The following MYO5B variants were observed in gnomAD, a reference collection of about 807,000 sequenced individuals.
MYO5B encodes the protein unconventional myosin-Vb.
A neutral mutation model predicts 229.3 loss-of-function variants in MYO5B; 143 were observed. That is an observed-to-expected ratio of 0.62 (90% CI 0.54 to 0.72). MYO5B has a LOEUF of 0.72. Ranked by LOEUF, MYO5B falls within the 30% of genes least tolerant of loss-of-function variation. The pLI, the probability that MYO5B is intolerant of heterozygous loss-of-function variation, is 0.00. For synonymous variants in MYO5B, 918 were observed against 885.2 expected, an observed-to-expected ratio of 1.04 and a Z score of -0.66; for missense variants, 2,321 against 2,331.0, an observed-to-expected ratio of 1.00 and a Z score of 0.09.
chr18:49,936,799 T>C lies in MYO5B; in HGVS notation c.1905+446A>G, dbSNP rs148724310. On this transcript the variant is annotated intron_variant, in intron 15 of 39. Transcript: ENST00000285039. Reference sequence around the variant, plus strand: ...ACTCATAGGAACAAATGTTAGGTGGTGGCTGCCAGGGACTTGACAAGCATT... The same window carrying C: ...ACTCATAGGAACAAATGTTAGGTGGCGGCTGCCAGGGACTTGACAAGCATT... Among the ~76,000 whole-genome samples the C allele has an allele frequency of 2.0e-5, 3 of 152,308 alleles. No individual in the cohort carries two copies. In the East Asian group the frequency reaches 5.8e-4, roughly 29 times the overall value.
chr18:49,954,918 C>G (rs2025476335), intron 12 of MYO5B, among the ~76,000 whole-genome samples: 2 of 152,232 alleles, frequency 1.3e-5, no homozygotes, highest in Non-Finnish European at 2.9e-5. Flanking sequence ...AGGTTTGGCT[C>G]AAGTCTGTCC....
intron 4 of MYO5B, among the ~76,000 whole-genome samples, chr18:50,027,438 A>C (rs1598963690): frequency 6.6e-6 from 1 of 152,202 alleles, no homozygotes; most frequent in Admixed American, 6.5e-5. Flanking sequence ...ACAAGTGCAC[A>C]CACACATGCC....
chr18:49,872,280 T>G (rs2024464377), intron 26 of MYO5B, 48 bp from the exon 27 acceptor site: 1 of 1,588,432 alleles, frequency 6.3e-7, no homozygotes, highest in Admixed American at 1.7e-5. Flanking sequence ...GAGCAAGATA[T>G]TCCACAGAGG....
chr18:50,124,531 GA>G (rs2032125177), intron 1 of MYO5B, among the ~76,000 whole-genome samples: 2 of 151,438 alleles, frequency 1.3e-5, no homozygotes, highest in African/African-American at 2.4e-5. Flanking sequence ...ATGTTAAAAA[GA>G]AAAAAAAGAA....
chr18:49,981,905 G>A (rs1364180370), intron 8 of MYO5B, among the ~76,000 whole-genome samples: 1 of 152,196 alleles, frequency 6.6e-6, no homozygotes, highest in Non-Finnish European at 1.5e-5. Context: ...GGACAAGACA[G>A]GAAGCTAGGC....
At chr18:50,141,502 A>G (rs938218105) in intron 1 of MYO5B, among the ~76,000 whole-genome samples, 1 of 152,122 alleles carries the variant, frequency 6.6e-6, no homozygotes, top group Non-Finnish European at 1.5e-5. Flanking sequence ...CCCTACCACC[A>G]GCTCCCCTTG....
intron 4 of MYO5B, among the ~76,000 whole-genome samples, chr18:50,017,218 A>G (rs1175994344): frequency 6.6e-6 from 1 of 152,164 alleles, no homozygotes; most frequent in Non-Finnish European, 1.5e-5. Context: ...CCTGGGCTCA[A>G]GTGATTCTCC....
At chr18:50,182,466 AATG>A (rs1280466347) in intron 1 of MYO5B, among the ~76,000 whole-genome samples, 1 of 152,182 alleles carries the variant, frequency 6.6e-6, no homozygotes, top group Non-Finnish European at 1.5e-5. Flanking sequence ...GCTCTTAACA[AATG>A]ATAACCTTGA....
chr18:50,061,771 A>C, intron 1 of MYO5B, among the ~76,000 whole-genome samples: 1 of 152,222 alleles, frequency 6.6e-6, no homozygotes, highest in East Asian at 1.9e-4. Flanking sequence ...CTCAGAGTGA[A>C]CCTCAGGAGC....
At chr18:50,085,603 G>C (rs1317064150) in intron 1 of MYO5B, among the ~76,000 whole-genome samples, 4 of 152,130 alleles carry the variant, frequency 2.6e-5, no homozygotes, top group Non-Finnish European at 5.9e-5. Flanking sequence ...CTGCTATAAA[G>C]ACACATGCAC....
chr18:49,850,099 G>T (rs781616437), intron 31 of MYO5B: 4 of 294,640 alleles, frequency 1.4e-5, no homozygotes, highest in Non-Finnish European at 2.6e-5. Context: ...AGATTATCCA[G>T]GGCCCAGCGG....
intron 4 of MYO5B, among the ~76,000 whole-genome samples, chr18:50,033,872 T>C (rs1291640324): frequency 6.8e-6 from 1 of 146,662 alleles, no homozygotes; most frequent in Non-Finnish European, 1.5e-5. Context: ...CTATCTCCTC[T>C]AACTTTCCTC....
At chr18:49,973,888 T>C (rs1312750773) in intron 10 of MYO5B, among the ~76,000 whole-genome samples, 1 of 152,188 alleles carries the variant, frequency 6.6e-6, no homozygotes, top group Non-Finnish European at 1.5e-5. Flanking sequence ...TGCACAGCCC[T>C]GGACAAAATT....
chr18:49,902,513 C>T (rs1428335080), intron 21 of MYO5B, 81 bp downstream of exon 21: 1 of 1,585,808 alleles, frequency 6.3e-7, no homozygotes, highest in African/African-American at 1.3e-5. Context: ...ATGTGCAGTT[C>T]CTCAAGGAAG....
intron 39 of MYO5B, 35 bp from the exon 40 acceptor site, chr18:49,826,658 T>C (rs762413597): frequency 4.3e-6 from 7 of 1,611,216 alleles, no homozygotes; most frequent in African/African-American, 1.3e-5. Flanking sequence ...AAAGTTTGAG[T>C]ACCCCTAAAA....
chr18:49,974,779 T>TCACACACACACAGACACACA (rs1555648455), intron 9 of MYO5B, among the ~76,000 whole-genome samples, 164 bp from the exon 10 acceptor site: 3 of 117,044 alleles, frequency 2.6e-5, no homozygotes, highest in African/African-American at 7.6e-5. Flanking sequence ...GCAGTCTCTC[T>TCACACACACACAGACACACA]CACACACACA....
At chr18:49,992,107 C>T (rs962273264) in intron 6 of MYO5B, among the ~76,000 whole-genome samples, 181 bp downstream of exon 6, 1 of 152,182 alleles carries the variant, frequency 6.6e-6, no homozygotes, top group Non-Finnish European at 1.5e-5. Flanking sequence ...TTTTTGAGAT[C>T]TAATCCCTAT....
At chr18:49,934,741 C>A (rs1306603097) in intron 16 of MYO5B, among the ~76,000 whole-genome samples, 1 of 152,232 alleles carries the variant, frequency 6.6e-6, no homozygotes, top group Non-Finnish European at 1.5e-5. Flanking sequence ...GAAGAGCAAG[C>A]AAGCAGCACA....
chr18:49,907,655 G>A (rs2024914337), intron 18 of MYO5B, among the ~76,000 whole-genome samples: 2 of 152,260 alleles, frequency 1.3e-5, no homozygotes, highest in African/African-American at 4.8e-5. Flanking sequence ...AAATGGCCCT[G>A]AAAAATGCTG....
Sources: gnomAD v4.1 joint callset for allele counts (sites outside exome capture counted in the v4.1 genomes callset) on GRCh38, gnomAD v4.1.1 for gene constraint, MANE v1.5 for transcripts, NCBI Gene and HGNC (gene_info 2026-07-23, HGNC 2026-07-21) for gene names.